SBNO2: variants seen among roughly 807,000 people sequenced by gnomAD.
SBNO2 encodes protein strawberry notch homolog 2.
Under a neutral mutation model 146.3 loss-of-function variants are expected in SBNO2, and 89 were observed. The ratio of observed to expected loss-of-function variants is 0.61; its 90% CI spans 0.51 to 0.73. The LOEUF is 0.73. Ranked by LOEUF, SBNO2 falls within the 30% of genes least tolerant of loss-of-function variation. The pLI is 0.00. For missense variants in SBNO2, 2,092 were observed against 2,003.7 expected (o/e 1.04, Z -0.84); for synonymous variants, 1,147 against 892.6 (o/e 1.29, Z -5.08).
intron 1 of SBNO2, 92 bp downstream of exon 1, chr19:1,174,080 G>T (rs2080507911): frequency 6.7e-6 from 1 of 149,718 alleles, no homozygotes; most frequent in African/African-American, 2.4e-5. Context: ...CCCGGGCGCA[G>T]GGGTCCGCGG....
rs1175533190 is a variant in SBNO2, at chr19:1,112,708, G to GGC, written c.2379+108_2379+109dup. 8.3e-6 allele frequency: 12 copies of GGC among 1,448,662 alleles called. No individual in the cohort carries two copies. The South Asian group carries it at 1.2e-4, about 15-fold the overall frequency. The allele number at this position is 1,448,662 out of a possible 1,614,324, so 89.7% of individuals were successfully genotyped here. On this transcript the variant is annotated intron_variant, in intron 20 of 31. Transcript: ENST00000361757. The surrounding 1 kb of genome is among the most constrained non-coding windows in gnomAD (Gnocchi z 5.9). ...CACACGGCCACTCGCGCCCGCACCT[G>GGC]GCACACACACACTCCAGAAGTGCGC... is the stretch of plus-strand genomic sequence containing the variant.
At chr19:1,155,856 C>T (rs1193409080) in intron 1 of SBNO2, among the ~76,000 whole-genome samples, 1 of 152,204 alleles carries the variant, frequency 6.6e-6, no homozygotes, top group Admixed American at 6.5e-5. Context: ...TGGGGCTCAG[C>T]AGCCCCTCCC....
chr19:1,114,739 A>T (rs948472037), intron 17 of SBNO2, among the ~76,000 whole-genome samples: 1 of 152,172 alleles, frequency 6.6e-6, no homozygotes, highest in Non-Finnish European at 1.5e-5. Context: ...GATTCAAGCG[A>T]TTCTCCTGCC....
At chr19:1,141,688 T>TCC (rs2080138730) in intron 4 of SBNO2, among the ~76,000 whole-genome samples, 1 of 152,000 alleles carries the variant, frequency 6.6e-6, no homozygotes, top group Admixed American at 6.6e-5. Flanking sequence ...ACAATGGGCC[T>TCC]CCCACTGGGA....
chr19:1,153,537 C>T (rs1010927036), intron 2 of SBNO2, among the ~76,000 whole-genome samples: 1 of 151,396 alleles, frequency 6.6e-6, no homozygotes, highest in Admixed American at 6.6e-5. Context: ...CCGTGCCAGG[C>T]CTATTTTTCA....
chr19:1,169,228 G>C (rs563881167), intron 1 of SBNO2: 11 of 152,408 alleles, frequency 7.2e-5, no homozygotes, highest in African/African-American at 2.4e-4. Flanking sequence ...GAGATGACTC[G>C]GCAATGACTC....
Position 1,113,576 on chromosome 19 carries a change from C to T in SBNO2, c.2206G>A (p.Glu736Lys). Residue 736 changes from glutamate (E) to lysine (K), a missense_variant, in exon 19 of 32, where the codon GAG becomes AAG. Transcript: ENST00000361757. ...GRELPVNTLD[E>K]LIDQLGGPQR... is the part of the protein sequence containing the mutation. ...GGGCCGCCCAGCTGGTCGATGAGCT[C>T]GTCCAGGGTGTTGACTGGCAGTTCC... 2 of 1,601,710 alleles carry T rather than the reference C, an allele frequency of 1.2e-6. No homozygotes were observed. The highest frequency in any genetic ancestry group is 1.1e-5 in the South Asian group (1 of 90,174).
rs767627388 is a variant in SBNO2, at chr19:1,112,743, G to T, written c.2379+75C>A. On this transcript the variant is annotated intron_variant, in intron 20 of 31. Coordinates refer to ENST00000361757, the MANE Select transcript of SBNO2 (RefSeq NM_014963.3). The surrounding 1 kb of genome is among the most constrained non-coding windows in gnomAD (Gnocchi z 5.9). ...CACTCCAGAAGTGCGCGGGTCCACA[G>T]TCCCCGGGGACCCTTGGGCCCCTCT... 39 of 1,489,750 alleles carry T rather than the reference G, an allele frequency of 2.6e-5. No individual in the cohort carries two copies. Among genetic ancestry groups the T allele is most frequent in the Non-Finnish European group, 2.5e-5 (28 of 1,117,430 alleles). 92.3% of individuals were successfully genotyped at this position (1,489,750 alleles called of 1,614,324 possible).
In SBNO2 at chr19:1,126,003, A is replaced by C. The variant is rs2079961560; in HGVS notation, c.441+1601T>G. On this transcript the variant is annotated intron_variant, in intron 5 of 31. Coordinates refer to ENST00000361757, the MANE Select transcript of SBNO2 (RefSeq NM_014963.3). The surrounding 1 kb of genome is among the most constrained non-coding windows in gnomAD (Gnocchi z 4.4). ...AGTGAGATCCCGTCTCAAAATAAAT[A>C]AGTAAATAAATAAATAAGAGCATCT... Among the ~76,000 whole-genome samples, 1 of 152,144 alleles carries C rather than the reference A, an allele frequency of 6.6e-6. No individual in the cohort carries two copies. Among genetic ancestry groups the C allele is most frequent in the Non-Finnish European group, 1.5e-5 (1 of 68,018 alleles).
chr19:1,130,413 G>A (rs2080015452), intron 4 of SBNO2, among the ~76,000 whole-genome samples: 1 of 151,790 alleles, frequency 6.6e-6, no homozygotes, highest in East Asian at 1.9e-4. Context: ...GATCCGTTGA[G>A]CCCAGGTGGT....
intron 1 of SBNO2, among the ~76,000 whole-genome samples, chr19:1,171,712 T>G (rs1439590748): frequency 2.0e-5 from 3 of 151,928 alleles, no homozygotes; most frequent in African/African-American, 7.3e-5. Context: ...AAGCCCAAGC[T>G]GGTCACACCC....
At chr19:1,137,048 T>C (rs2145269078) in intron 4 of SBNO2, among the ~76,000 whole-genome samples, 1 of 149,984 alleles carries the variant, frequency 6.7e-6, no homozygotes, top group East Asian at 2.0e-4. Context: ...GCAAGGGATC[T>C]GGGTGATGTC....
At chr19:1,172,226 GCGTCTCCTCTGC>G (rs1226339160) in intron 1 of SBNO2, among the ~76,000 whole-genome samples, 1 of 152,220 alleles carries the variant, frequency 6.6e-6, no homozygotes, top group Non-Finnish European at 1.5e-5. Flanking sequence ...GAGCCTGCCT[GCGTCTCCTCTGC>G]CGTCTCCCCT....
chr19:1,165,694 T>C (rs149321439), intron 1 of SBNO2, among the ~76,000 whole-genome samples: 2,166 of 27,586 alleles, frequency 0.079, 29 homozygotes, highest in Middle Eastern at 0.23. Flanking sequence ...ACCCCAGATC[T>C]CAGACCCCAG....
chr19:1,135,308 G>A, intron 4 of SBNO2, among the ~76,000 whole-genome samples: 1 of 151,952 alleles, frequency 6.6e-6, no homozygotes, highest in East Asian at 1.9e-4. Context: ...GCTGCAGTAA[G>A]TTATGATCAC....
intron 3 of SBNO2, 130 bp from the exon 4 acceptor site, chr19:1,147,550 G>A: frequency 1.8e-6 from 1 of 544,460 alleles, no homozygotes; most frequent in Admixed American, 4.2e-5. Context: ...AGCCCGGCAG[G>A]ACCCATGGCC....
In SBNO2 at chr19:1,126,246, A is replaced by C. The variant is rs1373662724; in HGVS notation, c.441+1358T>G. Among the ~76,000 whole-genome samples, 1 of 152,090 alleles carries C rather than the reference A, an allele frequency of 6.6e-6. No homozygotes were observed. Among genetic ancestry groups the C allele is most frequent in the Non-Finnish European group, 1.5e-5 (1 of 68,028 alleles). ...GGAAGCGTGGCACAGGAAGGTTAGA[A>C]ACCTATACTCAGTTGCCCTCTCCTT... On this transcript the variant is annotated intron_variant, in intron 5 of 31. Transcript: ENST00000361757. The surrounding 1 kb of genome is among the most constrained non-coding windows in gnomAD (Gnocchi z 4.4).
intron 1 of SBNO2, among the ~76,000 whole-genome samples, chr19:1,162,841 G>A (rs998942453): frequency 4.6e-5 from 7 of 152,246 alleles, no homozygotes; most frequent in African/African-American, 1.7e-4. Flanking sequence ...CCGCCGGACA[G>A]CGTTCAGTGG....
chr19:1,108,844 T>G lies in SBNO2; in HGVS notation c.3551A>C (p.Asp1184Ala). 1 of 1,600,110 alleles carries G rather than the reference T, an allele frequency of 6.2e-7. No individual in the cohort carries two copies. The highest frequency in any genetic ancestry group is 2.2e-5 in the East Asian group (1 of 44,742). Residue 1184 changes from aspartate (D) to alanine (A), a missense_variant, in exon 31 of 32, where the codon GAC (aspartate) becomes GCC (alanine). Transcript: ENST00000361757. ...VWGRIAAVMA[D>A]VSSSSYLQIV... ...CTGCAGGTAGCTGCTGCTGCTGACGTCGGCCATGACGGCGGCGATGCGGCC... is the reference window on the plus strand; with the variant it reads ...CTGCAGGTAGCTGCTGCTGCTGACGGCGGCCATGACGGCGGCGATGCGGCC...
Sources: gnomAD v4.1 joint callset for allele counts (sites outside exome capture counted in the v4.1 genomes callset) on GRCh38, gnomAD v4.1.1 for gene constraint, Gnocchi (gnomAD v3.1) non-coding constraint, MANE v1.5 for transcripts, NCBI Gene and HGNC (gene_info 2026-07-23, HGNC 2026-07-21) for gene names.